ADAM23: variants seen among roughly 807,000 people sequenced by gnomAD.
ADAM23 encodes the protein disintegrin and metalloproteinase domain-containing protein 23.
A neutral mutation model predicts 120.1 loss-of-function variants in ADAM23; 33 were observed. That is an observed-to-expected ratio of 0.27 (90% CI 0.21 to 0.37). ADAM23 has a LOEUF of 0.37. Among genes scored for constraint, ADAM23 ranks in the 10% least tolerant of loss-of-function variants. The pLI, the probability that ADAM23 is intolerant of heterozygous loss-of-function variation, is 1.00. For synonymous variants in ADAM23, 367 were observed against 375.2 expected, an observed-to-expected ratio of 0.98 and a Z score of 0.25; for missense variants, 862 against 1,058.2, an observed-to-expected ratio of 0.81 and a Z score of 2.57.
At chr2:206,457,427 A>C (rs114719502) in intron 2 of ADAM23, among the ~76,000 whole-genome samples, 2,982 of 152,268 alleles carry the variant, frequency 0.02, 100 homozygotes, top group African/African-American at 0.068. Flanking sequence ...TTTTTCACAC[A>C]TCTGTGGGTT....
chr2:206,575,893 G>A (rs1285489929), intron 18 of ADAM23, among the ~76,000 whole-genome samples: 2 of 152,180 alleles, frequency 1.3e-5, no homozygotes, highest in Admixed American at 1.3e-4. Flanking sequence ...AAGTGAGTAA[G>A]GAGTAGGGGA....
intron 2 of ADAM23, among the ~76,000 whole-genome samples, chr2:206,476,136 G>C (rs565144427): frequency 6.6e-6 from 1 of 152,280 alleles, no homozygotes; most frequent in East Asian, 1.9e-4. Flanking sequence ...TTACGAAGTT[G>C]AATGTGAATC....
chr2:206,526,645 A>G (rs1696953634), intron 3 of ADAM23, among the ~76,000 whole-genome samples: 2 of 152,206 alleles, frequency 1.3e-5, no homozygotes, highest in Admixed American at 6.5e-5. Flanking sequence ...CTCATTAGCC[A>G]TGATCCATTG....
intron 24 of ADAM23, 117 bp downstream of exon 24, chr2:206,596,279 C>A: frequency 1.4e-6 from 1 of 701,052 alleles, no homozygotes; most frequent in Non-Finnish European, 2.3e-6. Context: ...TCTGTTTTTG[C>A]CTTTAAAGTA....
At chr2:206,580,506 T>C (rs1559274950) in intron 18 of ADAM23, among the ~76,000 whole-genome samples, 1 of 152,216 alleles carries the variant, frequency 6.6e-6, no homozygotes, top group Non-Finnish European at 1.5e-5. Context: ...TCTGTTTATG[T>C]GGTGTATTGC....
chr2:206,550,531 A>T (rs190213927), intron 9 of ADAM23, among the ~76,000 whole-genome samples: 6 of 151,820 alleles, frequency 4.0e-5, no homozygotes, highest in African/African-American at 1.4e-4. Context: ...TATGGTAGAT[A>T]CAATTGTAGG....
At chr2:206,575,215 G>A (rs926242373) in intron 18 of ADAM23, among the ~76,000 whole-genome samples, 1 of 152,130 alleles carries the variant, frequency 6.6e-6, no homozygotes, top group South Asian at 2.1e-4. Flanking sequence ...AAGGATAGCT[G>A]GAGAATAGTA....
chr2:206,609,972 G>A lies in ADAM23; in HGVS notation c.2422G>A (p.Val808Ile), dbSNP rs780797160. ...IAGAILVAAI[V>I]LGGTGWGFKN... ...TGGTGCCATCCTGGTAGCAGCTATTGTCCTTGGGGGCACAGGCTGGGGATT... is the reference window on the plus strand; with the variant it reads ...TGGTGCCATCCTGGTAGCAGCTATTATCCTTGGGGGCACAGGCTGGGGATT... Residue 808 changes from valine (V) to isoleucine (I), a missense_variant, in exon 25 of 26, where the codon GTC (valine) becomes ATC (isoleucine). Physicochemically the swap from Val to Ile is conservative, Grantham distance 29. Around this residue, in one of 4 missense-constraint regions of ADAM23, gnomAD observed 4 missense variants for 23.2 expected, o/e 0.17. Coordinates refer to ENST00000264377, the MANE Select transcript of ADAM23 (RefSeq NM_003812.4). The A allele has an allele frequency of 3.8e-6, 6 of 1,590,582 alleles. No individual in the cohort carries two copies. The highest frequency in any genetic ancestry group is 4.3e-6 in the Non-Finnish European group (5 of 1,172,102).
At chr2:206,464,432 G>A (rs995666335) in intron 2 of ADAM23, among the ~76,000 whole-genome samples, 6 of 151,922 alleles carry the variant, frequency 3.9e-5, no homozygotes, top group Non-Finnish European at 5.9e-5. Context: ...AAAATTAGCC[G>A]GGCGTGGTGG....
At chr2:206,567,351 A>C (rs1697906053) in intron 15 of ADAM23, 29 bp downstream of exon 15, 1 of 1,563,324 alleles carries the variant, frequency 6.4e-7, no homozygotes, top group Non-Finnish European at 8.8e-7. Context: ...ATACTAAGAA[A>C]GTATATTATT....
intron 23 of ADAM23, 150 bp downstream of exon 23, chr2:206,595,055 C>A: frequency 1.1e-6 from 1 of 943,138 alleles, no homozygotes; most frequent in Non-Finnish European, 1.5e-6. Flanking sequence ...GTGGTGGGCA[C>A]CTGTAGTCCC....
At chr2:206,605,743 G>A (rs761898590) in intron 24 of ADAM23, 8 of 701,870 alleles carry the variant, frequency 1.1e-5, no homozygotes, top group East Asian at 8.1e-5. Flanking sequence ...AGTGAAATTA[G>A]TATGTAATTT....
chr2:206,498,807 A>G (rs1239966971), intron 3 of ADAM23, among the ~76,000 whole-genome samples: 1 of 152,206 alleles, frequency 6.6e-6, no homozygotes, highest in African/African-American at 2.4e-5. Flanking sequence ...ATTTACAAGA[A>G]AAAAACAACC....
rs1029720594 is a variant in ADAM23, at chr2:206,443,608, G to A, written c.-259G>A. 1.4e-5 allele frequency: 2 copies of A among 147,140 alleles called. No homozygotes were observed. The highest frequency in any genetic ancestry group is 6.8e-3 in the Middle Eastern group (2 of 292). The allele number at this position is 147,140 out of a possible 1,614,324, so 9.1% of individuals were successfully genotyped here. A position where few individuals can be genotyped will look rare whatever the true frequency, so the allele number is the denominator to read the frequency against. On this transcript the variant is annotated 5_prime_UTR_variant, in exon 1 of 26. Transcript: ENST00000264377. ...CGGGGGAGGGAGTAGCCGCTGGGGA[G>A]GCTCCAAGTTGGCGGAGCGGCGAGG...
chr2:206,502,257 A>C (rs943676624), intron 3 of ADAM23, among the ~76,000 whole-genome samples: 32 of 152,182 alleles, frequency 2.1e-4, no homozygotes, highest in Admixed American at 4.6e-4. Flanking sequence ...TGTTCAAAAC[A>C]GGTCACCTTT....
intron 24 of ADAM23, 167 bp from the exon 25 acceptor site, chr2:206,609,743 A>G (rs1360264626): frequency 7.0e-6 from 4 of 571,410 alleles, no homozygotes; most frequent in African/African-American, 2.0e-5. Flanking sequence ...AGCAACGCTC[A>G]CCGTAGCATC....
intron 3 of ADAM23, among the ~76,000 whole-genome samples, chr2:206,498,373 C>G (rs1018379899): frequency 6.6e-6 from 1 of 152,102 alleles, no homozygotes; most frequent in Non-Finnish European, 1.5e-5. Flanking sequence ...TGATCTTTGA[C>G]AAACCTGACA....
chr2:206,560,754 C>T (rs985496465), intron 11 of ADAM23, among the ~76,000 whole-genome samples: 11 of 152,240 alleles, frequency 7.2e-5, no homozygotes, highest in South Asian at 2.1e-4. Context: ...CCACCATTAC[C>T]GTTGACTTCC....
intron 3 of ADAM23, among the ~76,000 whole-genome samples, chr2:206,497,466 A>T (rs1037935903): frequency 1.3e-5 from 2 of 152,238 alleles, no homozygotes; most frequent in Non-Finnish European, 2.9e-5. Context: ...TTCATGCTAA[A>T]AATTCTCAAT....
Sources: allele counts gnomAD v4.1 joint callset (sites outside exome capture counted in the v4.1 genomes callset), GRCh38; gene constraint gnomAD v4.1.1; regional missense constraint gnomAD v4.1.1; transcripts MANE v1.5; gene names NCBI Gene and HGNC (gene_info 2026-07-23, HGNC 2026-07-21).